Variants in MBOAT2 observed in about 807,000 individuals in gnomAD.
MBOAT2 encodes the protein membrane bound glycerophospholipid O-acyltransferase 2.
Under a neutral mutation model 63.4 loss-of-function variants are expected in MBOAT2, and 28 were observed. The observed-to-expected ratio is 0.44, with a 90% CI of 0.33 to 0.61. The LOEUF is 0.61. Ranked by LOEUF, MBOAT2 falls within the 20% of genes least tolerant of loss-of-function variation. The probability of loss-of-function intolerance (pLI) is 0.03; values close to 1 mark genes in which losing one functional copy is unlikely to be tolerated. For missense variants in MBOAT2, 470 were observed against 605.8 expected (o/e 0.78, Z 2.35); for synonymous variants, 211 against 215.6 (o/e 0.98, Z 0.19).
intron 4 of MBOAT2, among the ~76,000 whole-genome samples, chr2:8,892,624 A>G (rs1189115649): frequency 6.6e-6 from 1 of 152,170 alleles, no homozygotes; most frequent in East Asian, 1.9e-4. Flanking sequence ...CAGGTAAAAG[A>G]CACAGTGTGT....
intron 3 of MBOAT2, among the ~76,000 whole-genome samples, chr2:8,916,803 CTGTTTA>C (rs1376137272): frequency 6.6e-6 from 1 of 152,178 alleles, no homozygotes; most frequent in Non-Finnish European, 1.5e-5. Context: ...GCCTTCCCCT[CTGTTTA>C]TATTTTCCAA....
chr2:8,899,247 G>A (rs1664726200), intron 4 of MBOAT2, among the ~76,000 whole-genome samples: 1 of 152,166 alleles, frequency 6.6e-6, no homozygotes, highest in South Asian at 2.1e-4. Context: ...CTCCAGCTTT[G>A]GCTAATATAT....
chr2:8,884,582 G>A (rs997952934), intron 5 of MBOAT2, among the ~76,000 whole-genome samples: 7 of 151,548 alleles, frequency 4.6e-5, no homozygotes, highest in African/African-American at 1.7e-4. Flanking sequence ...TACCAGGCAA[G>A]TGACATGTTA....
rs985860762 is a variant in MBOAT2, at chr2:9,003,465, C to T, written c.75+75G>A. ...CCCCAGCCCCCACCCTCCTCCCGGG[C>T]CCCCGGTCGGGTGGCACCGCGGCGG... On this transcript the variant is annotated intron_variant, in intron 1 of 12. Coordinates refer to ENST00000305997, the MANE Select transcript of MBOAT2 (RefSeq NM_138799.4). The surrounding 1 kb of genome is among the most constrained non-coding windows in gnomAD (Gnocchi z 5.4). 93 of 1,003,732 alleles carry T rather than the reference C, an allele frequency of 9.3e-5. No individual in the cohort carries two copies. The highest frequency in any genetic ancestry group is 1.1e-4 in the Non-Finnish European group (86 of 804,884). 62.2% of individuals were successfully genotyped at this position (1,003,732 alleles called of 1,614,324 possible). A position where few individuals can be genotyped will look rare whatever the true frequency, so the allele number is the denominator to read the frequency against.
At chr2:8,911,352 G>C (rs988236717) in intron 3 of MBOAT2, among the ~76,000 whole-genome samples, 21 of 152,162 alleles carry the variant, frequency 1.4e-4, no homozygotes, top group African/African-American at 5.1e-4. Context: ...TTTCATGTAG[G>C]ATTCATGTGA....
chr2:8,876,489 C>T (rs553024889), intron 7 of MBOAT2, among the ~76,000 whole-genome samples: 14 of 152,290 alleles, frequency 9.2e-5, no homozygotes, highest in African/African-American at 3.1e-4. Flanking sequence ...ATATCTTTAT[C>T]ATATTACTAA....
chr2:8,937,076 G>C (rs1255485103), intron 3 of MBOAT2, among the ~76,000 whole-genome samples: 1 of 152,128 alleles, frequency 6.6e-6, no homozygotes, highest in Non-Finnish European at 1.5e-5. Context: ...CCACCCCTCT[G>C]CTTCTTCCCT....
intron 4 of MBOAT2, among the ~76,000 whole-genome samples, chr2:8,902,392 A>G (rs1665013787): frequency 6.6e-6 from 1 of 152,210 alleles, no homozygotes; most frequent in South Asian, 2.1e-4. Context: ...GACTTCAAGA[A>G]TGAAGCCGCG....
intron 3 of MBOAT2, among the ~76,000 whole-genome samples, chr2:8,923,071 T>C (rs1297742628): frequency 2.0e-5 from 3 of 152,236 alleles, no homozygotes; most frequent in South Asian, 4.1e-4. Flanking sequence ...GGGGTTATAA[T>C]AGTCCTTTCT....
chr2:8,879,882 G>A (rs1440758419), intron 6 of MBOAT2, among the ~76,000 whole-genome samples: 1 of 152,142 alleles, frequency 6.6e-6, no homozygotes, highest in Non-Finnish European at 1.5e-5. Context: ...TACCTACTAT[G>A]AGGAAAACAA....
intron 1 of MBOAT2, among the ~76,000 whole-genome samples, chr2:8,979,395 G>A (rs551286269): frequency 5.1e-4 from 78 of 151,846 alleles, no homozygotes; most frequent in African/African-American, 1.8e-3. Flanking sequence ...AAAGAAAATC[G>A]CAATAGATTA....
intron 2 of MBOAT2, among the ~76,000 whole-genome samples, chr2:8,947,707 T>A (rs1200210372): frequency 6.6e-6 from 1 of 152,228 alleles, no homozygotes; most frequent in African/African-American, 2.4e-5. Flanking sequence ...CTGAATATTA[T>A]AAGCCCCTTG....
intron 3 of MBOAT2, among the ~76,000 whole-genome samples, chr2:8,911,934 T>C (rs1033008734): frequency 6.6e-6 from 1 of 152,092 alleles, no homozygotes; most frequent in African/African-American, 2.4e-5. Context: ...GACTTAATAA[T>C]TTATTTTTAC....
chr2:8,922,335 G>T (rs1666636438), intron 3 of MBOAT2, among the ~76,000 whole-genome samples: 1 of 152,100 alleles, frequency 6.6e-6, no homozygotes, highest in Non-Finnish European at 1.5e-5. Flanking sequence ...CAACATGTGG[G>T]TCCGTTTAGA....
At chr2:8,944,457 G>A (rs899267766) in intron 2 of MBOAT2, among the ~76,000 whole-genome samples, 1 of 152,108 alleles carries the variant, frequency 6.6e-6, no homozygotes, top group African/African-American at 2.4e-5. Flanking sequence ...TACTAAGGGT[G>A]TTAACCTATG....
At chr2:8,874,157 A>G (rs1398197750) in intron 7 of MBOAT2, among the ~76,000 whole-genome samples, 1 of 152,212 alleles carries the variant, frequency 6.6e-6, no homozygotes, top group Non-Finnish European at 1.5e-5. Flanking sequence ...AACACTTTAT[A>G]TAATAGTGCC....
At position 8,862,542 on chromosome 2, in the gene MBOAT2, C is replaced by A; in HGVS notation, c.1185+48G>T. 1 of 1,579,604 alleles carries A rather than the reference C, an allele frequency of 6.3e-7. No individual in the cohort carries two copies. On this transcript the variant is annotated intron_variant, in intron 11 of 12. Coordinates refer to ENST00000305997, the MANE Select transcript of MBOAT2 (RefSeq NM_138799.4). This position sits in a 1 kb window ranked among gnomAD's most constrained non-coding sequence, Gnocchi z 4.3. ...AGAGAGATGTACTCAGCCTTTTTAA[C>A]AGTTCAAGTGGACCATTGAATTGTA...
chr2:8,889,926 T>G (rs1390330395), intron 4 of MBOAT2, among the ~76,000 whole-genome samples: 1 of 152,102 alleles, frequency 6.6e-6, no homozygotes, highest in African/African-American at 2.4e-5. Flanking sequence ...GAAACTCTTA[T>G]GAAAGTAAGC....
chr2:8,936,466 A>G (rs1408891178), intron 3 of MBOAT2, among the ~76,000 whole-genome samples: 1 of 152,218 alleles, frequency 6.6e-6, no homozygotes, highest in Non-Finnish European at 1.5e-5. Context: ...AATTTATTGC[A>G]TTTACTTACA....
Sources: gnomAD v4.1 joint callset for allele counts (sites outside exome capture counted in the v4.1 genomes callset) on GRCh38, gnomAD v4.1.1 for gene constraint, Gnocchi (gnomAD v3.1) non-coding constraint, MANE v1.5 for transcripts, NCBI Gene and HGNC (gene_info 2026-07-23, HGNC 2026-07-21) for gene names.